CLMP: variants seen among roughly 807,000 people sequenced by gnomAD.
CLMP encodes the protein CXADR like cell adhesion molecule, also known as CXADR-like membrane protein.
In CLMP, 27 loss-of-function variants were observed where a neutral mutation model predicts 45.2. The ratio of observed to expected loss-of-function variants is 0.60; its 90% CI spans 0.44 to 0.82. CLMP has a LOEUF of 0.82. Ranked by LOEUF, CLMP falls within the 40% of genes least tolerant of loss-of-function variation. CLMP has a pLI of 0.00. For missense variants in CLMP, 403 were observed against 448.4 expected, an observed-to-expected ratio of 0.90 and a Z score of 0.91; for synonymous variants, 167 against 171.4, an observed-to-expected ratio of 0.97 and a Z score of 0.20.
chr11:123,136,052 C>A, intron 1 of CLMP: 1 of 595,642 alleles, frequency 1.7e-6, no homozygotes, highest in Non-Finnish European at 3.3e-6. Context: ...GTTTCTTCAT[C>A]TGCCTTTTTG....
intron 1 of CLMP, among the ~76,000 whole-genome samples, chr11:123,160,924 G>C (rs1188598751): frequency 6.7e-6 from 1 of 149,922 alleles, no homozygotes; most frequent in South Asian, 2.1e-4. Context: ...GTTGCAGTGA[G>C]CCAAGATCAC....
intron 1 of CLMP, among the ~76,000 whole-genome samples, chr11:123,106,892 C>A: frequency 6.6e-6 from 1 of 151,696 alleles, no homozygotes; most frequent in East Asian, 2.0e-4. Context: ...AGGTGGTGGG[C>A]GCCTGTAGTC....
intron 1 of CLMP, among the ~76,000 whole-genome samples, chr11:123,127,973 G>T (rs1369357143): frequency 3.4e-5 from 5 of 149,202 alleles, no homozygotes; most frequent in Middle Eastern, 3.4e-3. Flanking sequence ...GGAGGCAAAG[G>T]TTGCAGTAAG....
chr11:123,163,646 G>A (rs1353547038), intron 1 of CLMP, among the ~76,000 whole-genome samples: 1 of 152,322 alleles, frequency 6.6e-6, no homozygotes, highest in Non-Finnish European at 1.5e-5. Context: ...CAGTAAAAGG[G>A]GAGAACCACT....
At chr11:123,151,129 C>T (rs981325476) in intron 1 of CLMP, among the ~76,000 whole-genome samples, 3 of 152,226 alleles carry the variant, frequency 2.0e-5, no homozygotes, top group African/African-American at 4.8e-5. Flanking sequence ...GGAGGACCAG[C>T]GTGCTGTCTG....
chr11:123,079,187 T>G (rs1352023983), intron 5 of CLMP, among the ~76,000 whole-genome samples: 1 of 152,192 alleles, frequency 6.6e-6, no homozygotes. Context: ...CTTTAATATA[T>G]TTACCCCTCA....
intron 1 of CLMP, among the ~76,000 whole-genome samples, chr11:123,150,438 A>AGAAG: frequency 1.5e-5 from 1 of 68,000 alleles, no homozygotes; most frequent in African/African-American, 6.0e-5. Context: ...AAAGAAAGAA[A>AGAAG]GAAAGAAAGA....
intron 2 of CLMP, among the ~76,000 whole-genome samples, chr11:123,092,106 A>G (rs1033093939): frequency 3.9e-5 from 6 of 152,100 alleles, no homozygotes; most frequent in African/African-American, 1.4e-4. Flanking sequence ...GATCAAGCTC[A>G]AGGACCACTT....
chr11:123,189,572 G>C (rs11607969), intron 1 of CLMP, among the ~76,000 whole-genome samples: 36,902 of 152,094 alleles, frequency 0.24, 7,035 homozygotes, highest in African/African-American at 0.53. Flanking sequence ...ATAATCCCCT[G>C]TCAGAGTACT....
chr11:123,111,995 C>G (rs1478575442), intron 1 of CLMP, among the ~76,000 whole-genome samples: 1 of 152,000 alleles, frequency 6.6e-6, no homozygotes, highest in Non-Finnish European at 1.5e-5. Context: ...CAAGTGATGC[C>G]CCTGGCTCGG....
intron 1 of CLMP, among the ~76,000 whole-genome samples, chr11:123,188,045 G>A (rs1861855964): frequency 6.6e-6 from 1 of 152,166 alleles, no homozygotes. Context: ...AGAATCCTTG[G>A]TACTTTCCTC....
intron 1 of CLMP, among the ~76,000 whole-genome samples, chr11:123,146,445 G>A (rs1861239183): frequency 6.6e-6 from 1 of 152,030 alleles, no homozygotes. Context: ...AGCACCTGCT[G>A]TTTTGGGAAA....
chr11:123,147,772 T>A lies in CLMP; in HGVS notation c.28+47141A>T, dbSNP rs570701212. ...AGGAAACAGTTGTTGAAGAAATGAATGGAGGGAGGTAATGAAACTTGCCTT... is the reference window on the plus strand; with the variant it reads ...AGGAAACAGTTGTTGAAGAAATGAAAGGAGGGAGGTAATGAAACTTGCCTT... On this transcript the variant is annotated intron_variant, in intron 1 of 6. Coordinates refer to ENST00000448775, the MANE Select transcript of CLMP (RefSeq NM_024769.5). Among the ~76,000 whole-genome samples the A allele has an allele frequency of 2.6e-5, 4 of 151,752 alleles. No individual in the cohort carries two copies. The South Asian group carries it at 8.3e-4, about 32-fold the overall frequency.
intron 1 of CLMP, among the ~76,000 whole-genome samples, chr11:123,157,025 TC>T (rs1861423580): frequency 1.3e-5 from 2 of 152,180 alleles, no homozygotes; most frequent in African/African-American, 2.4e-5. Context: ...AACAGAGGAA[TC>T]CCAGAGGTTA....
intron 1 of CLMP, among the ~76,000 whole-genome samples, chr11:123,158,497 C>T (rs1861443852): frequency 6.6e-6 from 1 of 152,160 alleles, no homozygotes; most frequent in Non-Finnish European, 1.5e-5. Flanking sequence ...GCCTTTGCAG[C>T]CCTGGGTGGA....
chr11:123,112,617 C>T (rs1175009124), intron 1 of CLMP, among the ~76,000 whole-genome samples: 1 of 152,064 alleles, frequency 6.6e-6, no homozygotes, highest in Non-Finnish European at 1.5e-5. Flanking sequence ...GGATCGCAGG[C>T]GTGAGCCGCT....
rs367894332 is a variant in CLMP at position 123,084,648 on chromosome 11, G to A, written c.252C>T (p.Ala84=). ...NLTEEQKGRV[A]FASNFLAGDA... The stretch of plus-strand genomic sequence containing the variant: ...CTCCTGCCAGGAAATTGGAAGCAAA[G>A]GCCACTCGGCCCTTCTGTTCCTCAG... Residue 84 remains alanine, a synonymous_variant, in exon 3 of 7, where the codon GCC becomes GCT. Coordinates refer to ENST00000448775, the MANE Select transcript of CLMP (RefSeq NM_024769.5). The A allele has an allele frequency of 1.2e-6, 2 of 1,614,240 alleles. No individual in the cohort carries two copies. Among genetic ancestry groups the A allele is most frequent in the South Asian group, 2.2e-5 (2 of 91,088 alleles).
At chr11:123,114,461 T>TCCC (rs1565386403) in intron 1 of CLMP, among the ~76,000 whole-genome samples, 1 of 75,752 alleles carries the variant, frequency 1.3e-5, no homozygotes. Flanking sequence ...TCTCCCTCCC[T>TCCC]TCCTTCCTTC....
intron 1 of CLMP, among the ~76,000 whole-genome samples, chr11:123,190,868 A>G (rs2135554171): frequency 6.6e-6 from 1 of 152,336 alleles, no homozygotes; most frequent in South Asian, 2.1e-4. Flanking sequence ...TTCTATTTCA[A>G]AAATGTGTAA....
Sources: allele counts gnomAD v4.1 joint callset (sites outside exome capture counted in the v4.1 genomes callset), GRCh38; gene constraint gnomAD v4.1.1; transcripts MANE v1.5; gene names NCBI Gene and HGNC (gene_info 2026-07-23, HGNC 2026-07-21).